Variants in LYPLAL1 observed in about 807,000 individuals in gnomAD.
LYPLAL1 encodes the protein lysophospholipase like 1.
LYPLAL1 carries 23 observed loss-of-function variants against 19.7 expected under a neutral mutation model. The observed-to-expected ratio is 1.17, with a 90% CI of 0.84 to 1.65. The LOEUF (loss-of-function observed/expected upper bound fraction) is 1.65, where lower values mean the gene tolerates loss of function less well. Among genes scored for constraint, LYPLAL1 ranks in the 40% most tolerant of loss-of-function variants. The pLI, the probability that LYPLAL1 is intolerant of heterozygous loss-of-function variation, is 0.00. For synonymous variants in LYPLAL1, 119 were observed against 96.3 expected (o/e 1.24, Z -1.38); for missense variants, 355 against 279.4 (o/e 1.27, Z -1.93).
chr1:219,411,318 G>A, the LYPLAL1 span, among the ~76,000 whole-genome samples: 8 of 151,964 alleles, frequency 5.3e-5, no homozygotes, highest in African/African-American at 1.9e-4. Flanking sequence ...CTAGCTCAAG[G>A]TTTGTAAATA....
the LYPLAL1 span, among the ~76,000 whole-genome samples, chr1:219,325,438 A>G: frequency 6.6e-6 from 1 of 152,174 alleles, no homozygotes; most frequent in Non-Finnish European, 1.5e-5. Flanking sequence ...GCAAAGAAAA[A>G]TGGCACCGTC....
chr1:219,335,743 T>G, the LYPLAL1 span, among the ~76,000 whole-genome samples: 1 of 151,974 alleles, frequency 6.6e-6, no homozygotes, highest in African/African-American at 2.4e-5. Flanking sequence ...ACTGAACACT[T>G]TAATGCGCCC....
At chr1:219,335,241 C>G in the LYPLAL1 span, among the ~76,000 whole-genome samples, 2 of 151,700 alleles carry the variant, frequency 1.3e-5, no homozygotes, top group Non-Finnish European at 2.9e-5. Flanking sequence ...CGATACTATC[C>G]CCTCCTGTTC....
chr1:219,354,594 A>G, the LYPLAL1 span, among the ~76,000 whole-genome samples: 2 of 152,234 alleles, frequency 1.3e-5, no homozygotes, highest in East Asian at 1.9e-4. Context: ...AAGGCACACT[A>G]TAATCAAATG....
At chr1:219,389,559 A>AT in the LYPLAL1 span, among the ~76,000 whole-genome samples, 26 of 152,266 alleles carry the variant, frequency 1.7e-4, no homozygotes, top group Admixed American at 3.3e-4. Flanking sequence ...GTCTTCAGAG[A>AT]TTTTCCTGGG....
the LYPLAL1 span, among the ~76,000 whole-genome samples, chr1:219,268,468 G>A: frequency 1.3e-5 from 2 of 152,190 alleles, no homozygotes; most frequent in African/African-American, 4.8e-5. Flanking sequence ...GAGGAAATGG[G>A]CTGGAGAAAG....
chr1:219,314,604 C>T, the LYPLAL1 span, among the ~76,000 whole-genome samples: 28 of 152,246 alleles, frequency 1.8e-4, no homozygotes, highest in South Asian at 2.5e-3. Context: ...ACCACCGCGC[C>T]CAGCTAATTT....
chr1:219,277,984 G>T, the LYPLAL1 span, among the ~76,000 whole-genome samples: 1 of 152,110 alleles, frequency 6.6e-6, no homozygotes, highest in Non-Finnish European at 1.5e-5. Flanking sequence ...GATGGCAAAC[G>T]TACAACTTTA....
chr1:219,357,234 A>T, the LYPLAL1 span, among the ~76,000 whole-genome samples: 4 of 152,180 alleles, frequency 2.6e-5, no homozygotes, highest in Non-Finnish European at 5.9e-5. Flanking sequence ...TCTCAGAAAA[A>T]AAAGCAGTTA....
the LYPLAL1 span, among the ~76,000 whole-genome samples, chr1:219,311,195 C>T: frequency 2.6e-5 from 4 of 151,130 alleles, no homozygotes; most frequent in Non-Finnish European, 4.4e-5. Flanking sequence ...TTAACCACAA[C>T]CTTTATCTTT....
chr1:219,307,725 A>T, the LYPLAL1 span, among the ~76,000 whole-genome samples: 1 of 152,166 alleles, frequency 6.6e-6, no homozygotes, highest in African/African-American at 2.4e-5. Context: ...AGATAGTTTG[A>T]ATCATGGAGG....
At chr1:219,299,884 C>T in the LYPLAL1 span, among the ~76,000 whole-genome samples, 2 of 152,230 alleles carry the variant, frequency 1.3e-5, no homozygotes, top group South Asian at 4.2e-4. Flanking sequence ...TGCACACACA[C>T]ATAGGTATGT....
chr1:219,234,483 TC>T, the LYPLAL1 span, among the ~76,000 whole-genome samples: 1 of 152,108 alleles, frequency 6.6e-6, no homozygotes, highest in Non-Finnish European at 1.5e-5. Context: ...TATAAAGGAT[TC>T]CCATACTTAT....
the LYPLAL1 span, among the ~76,000 whole-genome samples, chr1:219,275,129 C>T: frequency 2.6e-5 from 4 of 152,186 alleles, no homozygotes; most frequent in Non-Finnish European, 4.4e-5. Flanking sequence ...TCCTCCCCAG[C>T]CTCCATCCAA....
the LYPLAL1 span, among the ~76,000 whole-genome samples, chr1:219,431,235 A>G: frequency 6.6e-6 from 1 of 151,988 alleles, no homozygotes; most frequent in African/African-American, 2.4e-5. Context: ...GAACTATCAT[A>G]TGGGAAAGGA....
the LYPLAL1 span, among the ~76,000 whole-genome samples, chr1:219,308,909 A>T: frequency 3.3e-5 from 5 of 152,210 alleles, no homozygotes; most frequent in African/African-American, 1.2e-4. Flanking sequence ...AGCGTTCTCC[A>T]GACCCCAGAA....
the LYPLAL1 span, among the ~76,000 whole-genome samples, chr1:219,408,422 G>A: frequency 2.0e-5 from 3 of 152,116 alleles, no homozygotes; most frequent in Non-Finnish European, 2.9e-5. Context: ...ATGCATGGGA[G>A]TTGAATGCAC....
At chr1:219,193,852 A>G (rs1157811960) in intron 3 of LYPLAL1, among the ~76,000 whole-genome samples, 1 of 151,874 alleles carries the variant, frequency 6.6e-6, no homozygotes, top group African/African-American at 2.4e-5. Context: ...CATGTAGAAT[A>G]TGAATGGTAC....
chr1:219,440,473 C>T, the LYPLAL1 span, among the ~76,000 whole-genome samples: 2 of 152,136 alleles, frequency 1.3e-5, no homozygotes, highest in African/African-American at 2.4e-5. Flanking sequence ...TCAAAGACCA[C>T]TGAAAGTGTG....
Sources: allele counts gnomAD v4.1 joint callset (sites outside exome capture counted in the v4.1 genomes callset), GRCh38; gene constraint gnomAD v4.1.1; transcripts MANE v1.5; gene names NCBI Gene and HGNC (gene_info 2026-07-23, HGNC 2026-07-21).